Variants in MS4A4E observed in about 807,000 individuals in gnomAD.
The protein encoded by MS4A4E is membrane spanning 4-domains A4E, also known as putative membrane-spanning 4-domains subfamily A member 4E.
In MS4A4E, 23 loss-of-function variants were observed where a neutral mutation model predicts 13.3. The ratio of observed to expected loss-of-function variants is 1.73; its 90% confidence interval spans 1.25 to 2.45. The LOEUF is 2.45. Ranked by LOEUF, MS4A4E falls within the 30% of genes most tolerant of loss-of-function variation. MS4A4E has a pLI of 0.00. For synonymous variants in MS4A4E, 36 were observed against 45.6 expected (o/e 0.79, Z 0.85); for missense variants, 144 against 131.2 (o/e 1.10, Z -0.48).
chr11:60,227,553 AATAT>A (rs372169588), intron 3 of MS4A4E, among the ~76,000 whole-genome samples: 1 of 150,104 alleles, frequency 6.7e-6, no homozygotes, highest in African/African-American at 2.4e-5. Flanking sequence ...TCCATCTCAA[AATAT>A]ATATATATAT....
chr11:60,239,351 C>T (rs2084521241), intron 1 of MS4A4E, among the ~76,000 whole-genome samples: 1 of 152,146 alleles, frequency 6.6e-6, no homozygotes. Flanking sequence ...TATTGGTCTT[C>T]CTACTATCAC....
intron 4 of MS4A4E, 172 bp from the exon 5 acceptor site, chr11:60,213,304 T>C (rs2084148905): frequency 2.0e-6 from 3 of 1,535,392 alleles, no homozygotes; most frequent in Non-Finnish European, 1.7e-6. Flanking sequence ...GATCCCATTA[T>C]TCTCCAGCTT....
chr11:60,242,626 CAAAGTTTA>C (rs1317484540), intron 1 of MS4A4E, among the ~76,000 whole-genome samples: 2 of 152,150 alleles, frequency 1.3e-5, no homozygotes, highest in African/African-American at 4.8e-5. Context: ...GGTAATTAAT[CAAAGTTTA>C]AAATGTTGCT....
At chr11:60,241,218 A>T (rs1464961816) in intron 1 of MS4A4E, among the ~76,000 whole-genome samples, 1 of 151,880 alleles carries the variant, frequency 6.6e-6, no homozygotes, top group African/African-American at 2.4e-5. Context: ...TAGAGAAGGG[A>T]TTTCACCGTG....
In MS4A4E at chr11:60,230,077, A is replaced by G. The variant is rs1021797735; in HGVS notation, c.-16-6T>C. 8.9e-6 allele frequency: 14 copies of G among 1,571,222 alleles called. No individual in the cohort carries two copies. Among genetic ancestry groups the G allele is most frequent in the African/African-American group, 2.8e-5 (2 of 72,082 alleles). Reference sequence around the variant, plus strand: ...TCATGGCAGCAGAAAAGGTGCTACAATAAGAAATGTAATTTAGGATGAGGT... The same window carrying G: ...TCATGGCAGCAGAAAAGGTGCTACAGTAAGAAATGTAATTTAGGATGAGGT... On this transcript the variant is annotated splice_region_variant and splice_polypyrimidine_tract_variant and intron_variant, in intron 1 of 8. Transcript: ENST00000651255.
chr11:60,200,483 G>C lies in MS4A4E; in HGVS notation c.*1060C>G, dbSNP rs1016827883. Reference sequence around the variant, plus strand: ...CCTGGGTACTTGAGATTAGGGAGTGGTGATGACTCTTAACGAGCATGCTGC... The same window carrying C: ...CCTGGGTACTTGAGATTAGGGAGTGCTGATGACTCTTAACGAGCATGCTGC... On this transcript the variant is annotated 3_prime_UTR_variant, in exon 9 of 9. Transcript: ENST00000651255. Among the ~76,000 whole-genome samples the C allele has an allele frequency of 2.0e-5, 3 of 152,172 alleles. No individual in the cohort carries two copies. The highest frequency in any genetic ancestry group is 2.0e-4 in the Admixed American group (3 of 15,280).
At chr11:60,206,301 G>A (rs933826318) in intron 6 of MS4A4E, among the ~76,000 whole-genome samples, 2 of 151,318 alleles carry the variant, frequency 1.3e-5, no homozygotes, top group African/African-American at 4.9e-5. Flanking sequence ...CCAGTTTAAT[G>A]CCTTTATATA....
At chr11:60,212,336 G>A (rs953149765) in intron 5 of MS4A4E, among the ~76,000 whole-genome samples, 7 of 145,486 alleles carry the variant, frequency 4.8e-5, no homozygotes, top group Non-Finnish European at 1.0e-4. Flanking sequence ...TTGAGACAGA[G>A]TCTCACTCTT....
At chr11:60,206,512 T>TATAC (rs141037502) in intron 6 of MS4A4E, among the ~76,000 whole-genome samples, 47,085 of 97,854 alleles carry the variant, frequency 0.48, 12,843 homozygotes, top group African/African-American at 0.52. Context: ...TATATATATA[T>TATAC]ACACACACAC....
Position 60,232,437 on chromosome 11 carries a change from A to G in MS4A4E, c.-16-2366T>C, listed in dbSNP as rs190995550. On this transcript the variant is annotated intron_variant, in intron 1 of 8. Transcript: ENST00000651255. The stretch of plus-strand genomic sequence containing the variant: ...ACAGAAACCCAGAATGGCTGCAGGA[A>G]GAAGGAGAGAAAACACCTTTCTTCC... Among the ~76,000 whole-genome samples, 100 of 152,298 alleles carry G rather than the reference A, an allele frequency of 6.6e-4. 1 individual carries two copies. The highest frequency in any genetic ancestry group is 2.3e-3 in the African/African-American group (96 of 41,576).
At chr11:60,214,684 C>T in intron 3 of MS4A4E, 70 bp from the exon 4 acceptor site, 1 of 1,011,132 alleles carries the variant, frequency 9.9e-7, no homozygotes. Context: ...TTGGAAATCA[C>T]AACTTAGTAA....
At chr11:60,208,109 C>A (rs781630240) in intron 6 of MS4A4E, among the ~76,000 whole-genome samples, 4 of 152,108 alleles carry the variant, frequency 2.6e-5, no homozygotes, top group African/African-American at 4.8e-5. Context: ...CACTCACTGA[C>A]CCCTTGTGAT....
At chr11:60,202,096 A>G (rs2083996681) in intron 8 of MS4A4E, among the ~76,000 whole-genome samples, 1 of 152,250 alleles carries the variant, frequency 6.6e-6, no homozygotes, top group Non-Finnish European at 1.5e-5. Context: ...ACCAGCCAAT[A>G]CAAAGGCAAT....
At chr11:60,223,517 A>T (rs956080175) in intron 3 of MS4A4E, among the ~76,000 whole-genome samples, 1 of 152,094 alleles carries the variant, frequency 6.6e-6, no homozygotes, top group Non-Finnish European at 1.5e-5. Context: ...TTAATATTGA[A>T]TGTTAACTTG....
chr11:60,226,291 A>AT (rs2084341857), intron 3 of MS4A4E, among the ~76,000 whole-genome samples: 1 of 152,036 alleles, frequency 6.6e-6, no homozygotes, highest in Non-Finnish European at 1.5e-5. Context: ...CTATGGAGCT[A>AT]GCACTATTAT....
chr11:60,217,441 C>T (rs1225870126), intron 3 of MS4A4E, among the ~76,000 whole-genome samples: 1 of 152,082 alleles, frequency 6.6e-6, no homozygotes, highest in Non-Finnish European at 1.5e-5. Flanking sequence ...ACAGCTTCCC[C>T]ATCACCAGTA....
chr11:60,217,169 T>C (rs1265979410), intron 3 of MS4A4E, among the ~76,000 whole-genome samples: 2 of 152,160 alleles, frequency 1.3e-5, no homozygotes, highest in East Asian at 3.9e-4. Flanking sequence ...TCTTCTAAGA[T>C]TGCCCTGAGT....
intron 3 of MS4A4E, among the ~76,000 whole-genome samples, chr11:60,227,766 A>G (rs1390374020): frequency 1.3e-5 from 2 of 152,124 alleles, no homozygotes; most frequent in Non-Finnish European, 2.9e-5. Flanking sequence ...GATCAAGGGA[A>G]TAGAATAGAA....
intron 1 of MS4A4E, among the ~76,000 whole-genome samples, chr11:60,233,251 G>A (rs1210196347): frequency 6.6e-6 from 1 of 152,120 alleles, no homozygotes; most frequent in Non-Finnish European, 1.5e-5. Flanking sequence ...ACACTATGTG[G>A]CACTCCATTC....
Sources: gnomAD v4.1 joint callset for allele counts (sites outside exome capture counted in the v4.1 genomes callset) on GRCh38, gnomAD v4.1.1 for gene constraint, MANE v1.5 for transcripts, NCBI Gene and HGNC (gene_info 2026-07-23, HGNC 2026-07-21) for gene names.